Variants in PPFIBP2 observed in about 807,000 individuals in gnomAD.
PPFIBP2 encodes the protein liprin-beta-2.
PPFIBP2 carries 118 observed loss-of-function variants against 118.3 expected under a neutral mutation model. The observed-to-expected ratio is 1.00, with a 90% confidence interval of 0.86 to 1.16. The LOEUF (loss-of-function observed/expected upper bound fraction) is 1.16. Among genes scored for constraint, PPFIBP2 ranks in the 50% most tolerant of loss-of-function variants. The pLI is 0.00. For synonymous variants in PPFIBP2, 414 were observed against 397.4 expected, an observed-to-expected ratio of 1.04 and a Z score of -0.50; for missense variants, 1,195 against 1,073.1, an observed-to-expected ratio of 1.11 and a Z score of -1.59.
At chr11:7,659,364 G>C (rs2136089402), downstream of PPFIBP2, among the ~76,000 whole-genome samples, 1 of 145,062 alleles carries the variant, frequency 6.9e-6, no homozygotes, top group Non-Finnish European at 1.5e-5. Context: ...TCTACATATG[G>C]CTAGCCAGTT....
intron 10 of PPFIBP2, among the ~76,000 whole-genome samples, chr11:7,630,061 A>C (rs1461928007): frequency 6.6e-6 from 1 of 152,230 alleles, no homozygotes; most frequent in Non-Finnish European, 1.5e-5. Context: ...ACATGCAAGC[A>C]GCATCAGGGT....
intron 2 of PPFIBP2, among the ~76,000 whole-genome samples, chr11:7,562,002 T>C (rs1408903747): frequency 6.6e-6 from 1 of 152,214 alleles, no homozygotes; most frequent in Non-Finnish European, 1.5e-5. Context: ...GATGAAACTG[T>C]TCTACCTCAG....
At chr11:7,651,551 T>G (rs945921223) in intron 22 of PPFIBP2, 105 bp from the exon 23 acceptor site, 1 of 1,028,594 alleles carries the variant, frequency 9.7e-7, no homozygotes, top group Middle Eastern at 2.4e-4. Context: ...CTCCTGTCCC[T>G]CCTCTGGAGG....
At chr11:7,547,492 C>T (rs1215029948) in intron 1 of PPFIBP2, among the ~76,000 whole-genome samples, 1 of 152,146 alleles carries the variant, frequency 6.6e-6, no homozygotes, top group African/African-American at 2.4e-5. Flanking sequence ...CTTTTAATAT[C>T]CCTTATGCTG....
At chr11:7,530,009 T>A (rs987055219) in intron 1 of PPFIBP2, among the ~76,000 whole-genome samples, 11 of 152,248 alleles carry the variant, frequency 7.2e-5, no homozygotes, top group African/African-American at 2.7e-4. Context: ...CTGCAAGAGA[T>A]TTGGCAACTT....
At chr11:7,631,060 C>T (rs773711521) in intron 11 of PPFIBP2, 32 bp downstream of exon 11, 3 of 1,552,152 alleles carry the variant, frequency 1.9e-6, no homozygotes, top group African/African-American at 2.7e-5. Context: ...CGTAGGGTTT[C>T]AGCAGGTCCT....
At chr11:7,644,515 T>C (rs1218879262) in intron 17 of PPFIBP2, among the ~76,000 whole-genome samples, 8 of 152,172 alleles carry the variant, frequency 5.3e-5, no homozygotes, top group Non-Finnish European at 7.4e-5. Flanking sequence ...GTATTGCCCT[T>C]CAGGACTCCA....
rs1330642131 is a variant in PPFIBP2, at chr11:7,616,575, C to G, written c.619-4360C>G. 6.6e-6 allele frequency among the ~76,000 whole-genome samples: 1 copy of G among 152,120 alleles called. No homozygotes were observed. The highest frequency in any genetic ancestry group is 1.5e-5 in the Non-Finnish European group (1 of 68,040). On this transcript the variant is annotated intron_variant, in intron 6 of 23. Coordinates refer to ENST00000299492, the MANE Select transcript of PPFIBP2 (RefSeq NM_003621.5). The surrounding 1 kb of genome is among the most constrained non-coding windows in gnomAD (Gnocchi z 5.2). ...ACGTTGCTTGAGATAATCTTGTAGA[C>G]AGGATGGAGGAATAGAAGATGAATA...
chr11:7,641,003 G>C, intron 15 of PPFIBP2: 4 of 1,263,970 alleles, frequency 3.2e-6, no homozygotes, highest in Non-Finnish European at 4.1e-6. Flanking sequence ...GTTTCTTCAT[G>C]TGGCTTCTCT....
At chr11:7,549,156 C>G (rs1361038575) in intron 1 of PPFIBP2, among the ~76,000 whole-genome samples, 1 of 152,140 alleles carries the variant, frequency 6.6e-6, no homozygotes, top group Admixed American at 6.5e-5. Context: ...AATTGTTACA[C>G]CTGGTGAGGT....
chr11:7,619,855 G>T (rs1289744789), intron 6 of PPFIBP2, among the ~76,000 whole-genome samples: 1 of 152,230 alleles, frequency 6.6e-6, no homozygotes, highest in Non-Finnish European at 1.5e-5. Context: ...CTTGGCACCT[G>T]ACAGTCCGGA....
rs1440106282 is a variant in PPFIBP2 at position 7,629,497 on chromosome 11, G to C, written c.927G>C (p.Gln309His). The C allele has an allele frequency of 4.3e-6, 7 of 1,614,062 alleles. No homozygotes were observed. Among genetic ancestry groups the C allele is most frequent in the African/African-American group, 2.7e-5 (2 of 74,930 alleles). ...RIEELTGLLN[Q>H]YRKVKEIVMV... is the part of the protein sequence containing the mutation. Reference sequence around the variant, plus strand: ...AGGAGCTTACGGGGCTGTTAAACCAGTACCGGAAGGTAAAGGAGATTGTGA... The same window carrying C: ...AGGAGCTTACGGGGCTGTTAAACCACTACCGGAAGGTAAAGGAGATTGTGA... The change falls in exon 10 of 24, where the codon CAG becomes CAC. Residue 309 changes from glutamine to histidine, a missense_variant. By Grantham distance (24) the Gln-to-His change is conservative. Coordinates refer to ENST00000299492, the MANE Select transcript of PPFIBP2 (RefSeq NM_003621.5).
intron 17 of PPFIBP2, among the ~76,000 whole-genome samples, chr11:7,642,627 C>T (rs117972375): frequency 1.8e-3 from 267 of 152,334 alleles, no homozygotes; most frequent in Non-Finnish European, 3.3e-3. Context: ...AAGATCAGTA[C>T]TCCTGGAGGT....
At position 7,565,768 on chromosome 11, in the gene PPFIBP2, G is replaced by A. The variant is rs780184653; in HGVS notation, c.279+1G>A. 13 of 1,613,868 alleles carry A rather than the reference G, an allele frequency of 8.1e-6. No individual in the cohort carries two copies. Among genetic ancestry groups the A allele is most frequent in the South Asian group, 1.1e-5 (1 of 91,078 alleles). ...AAAGGAATGGTTTGAAGAGAGCTTG[G>A]TGAGTAGTCCCGTGGCCTGATTGGG... On this transcript the variant is annotated splice_donor_variant, in intron 3 of 23. Transcript: ENST00000299492. LOFTEE classifies it high-confidence loss of function.
the PPFIBP2 span, chr11:7,666,049 G>C: frequency 2.6e-6 from 2 of 766,136 alleles, no homozygotes; most frequent in Middle Eastern, 2.9e-4. Flanking sequence ...CTGTCTGGGG[G>C]CTCAGCATGT....
chr11:7,565,802 G>A, intron 3 of PPFIBP2, 35 bp downstream of exon 3: 1 of 1,606,578 alleles, frequency 6.2e-7, no homozygotes, highest in Non-Finnish European at 8.5e-7. Flanking sequence ...GGAACCACTG[G>A]GGAATGTAAT....
chr11:7,591,773 ACAAT>A (rs772519339), intron 3 of PPFIBP2, among the ~76,000 whole-genome samples: 24 of 152,284 alleles, frequency 1.6e-4, no homozygotes, highest in African/African-American at 4.8e-4. Context: ...CCTTCAACAA[ACAAT>A]CAATGAATCT....
At chr11:7,611,751 A>G (rs576045567) in intron 6 of PPFIBP2, among the ~76,000 whole-genome samples, 2 of 152,348 alleles carry the variant, frequency 1.3e-5, no homozygotes, top group Non-Finnish European at 1.5e-5. Flanking sequence ...AACCCTTAGC[A>G]TAGTAATAGT....
In PPFIBP2 at chr11:7,616,552, G is replaced by A. The variant is rs959528907; in HGVS notation, c.619-4383G>A. 2.0e-5 allele frequency among the ~76,000 whole-genome samples: 3 copies of A among 152,160 alleles called. No homozygotes were observed. The highest frequency in any genetic ancestry group is 2.1e-4 in the South Asian group (1 of 4,822). On this transcript the variant is annotated intron_variant, in intron 6 of 23. Coordinates refer to ENST00000299492, the MANE Select transcript of PPFIBP2 (RefSeq NM_003621.5). The surrounding 1 kb of genome is among the most constrained non-coding windows in gnomAD (Gnocchi z 5.2). Reference sequence around the variant, plus strand: ...CATTTCAGTGAAGTGTTGCAAAAACGTTGCTTGAGATAATCTTGTAGACAG... The same window carrying A: ...CATTTCAGTGAAGTGTTGCAAAAACATTGCTTGAGATAATCTTGTAGACAG...
Sources: allele counts gnomAD v4.1 joint callset (sites outside exome capture counted in the v4.1 genomes callset), GRCh38; gene constraint gnomAD v4.1.1; non-coding constraint Gnocchi (gnomAD v3.1); transcripts MANE v1.5; gene names NCBI Gene and HGNC (gene_info 2026-07-23, HGNC 2026-07-21).